Variants in SLC71A2 observed in about 807,000 individuals in gnomAD.
The protein encoded by SLC71A2 is hippocampus abundant transcript-like 1.
At chr9:94,436,458 C>T in the SLC71A2 span, among the ~76,000 whole-genome samples, 1 of 152,238 alleles carries the variant, frequency 6.6e-6, no homozygotes, top group African/African-American at 2.4e-5. Flanking sequence ...GTATGAACAA[C>T]TCCTTCCCTG....
chr9:94,405,613 A>C, the SLC71A2 span, among the ~76,000 whole-genome samples: 2 of 152,008 alleles, frequency 1.3e-5, no homozygotes, highest in African/African-American at 4.8e-5. Context: ...AAATACAGGC[A>C]CACACCACCA....
the SLC71A2 span, among the ~76,000 whole-genome samples, chr9:94,401,634 T>C: frequency 1.3e-5 from 2 of 152,092 alleles, no homozygotes; most frequent in African/African-American, 4.8e-5. Context: ...GGTCCTTGAT[T>C]TTGCGTCAAG....
At chr9:94,385,882 C>T in the SLC71A2 span, among the ~76,000 whole-genome samples, 2 of 151,924 alleles carry the variant, frequency 1.3e-5, no homozygotes, top group African/African-American at 2.4e-5. Context: ...TAAGGACCTC[C>T]TTTTTTTTCT....
chr9:94,403,303 A>T, the SLC71A2 span, among the ~76,000 whole-genome samples: 1 of 151,710 alleles, frequency 6.6e-6, no homozygotes, highest in African/African-American at 2.4e-5. Flanking sequence ...CGCCTGGCTA[A>T]TTTTTTTGTA....
chr9:94,383,888 G>A, the SLC71A2 span, among the ~76,000 whole-genome samples: 6 of 151,720 alleles, frequency 4.0e-5, no homozygotes, highest in Non-Finnish European at 8.8e-5. Flanking sequence ...ATTTCTTGAC[G>A]TTATTGTAAA....
the SLC71A2 span, among the ~76,000 whole-genome samples, chr9:94,424,581 T>C: frequency 6.6e-6 from 1 of 152,028 alleles, no homozygotes; most frequent in African/African-American, 2.4e-5. Flanking sequence ...TTCCTCAAGA[T>C]TGCCTTGGTC....
At chr9:94,458,339 A>T in the SLC71A2 span, 6 of 1,608,988 alleles carry the variant, frequency 3.7e-6, no homozygotes, top group African/African-American at 5.3e-5. Flanking sequence ...CCAGGGGATC[A>T]TAACTGGAAT....
At chr9:94,425,703 A>G in the SLC71A2 span, among the ~76,000 whole-genome samples, 1 of 151,972 alleles carries the variant, frequency 6.6e-6, no homozygotes, top group Admixed American at 6.6e-5. Flanking sequence ...TTCGTAAACC[A>G]TAATTTCTAA....
chr9:94,390,430 G>T, the SLC71A2 span, among the ~76,000 whole-genome samples: 1 of 150,290 alleles, frequency 6.7e-6, no homozygotes, highest in Non-Finnish European at 1.5e-5. Flanking sequence ...TTTTCTAGTC[G>T]GTAAAAGTAG....
the SLC71A2 span, among the ~76,000 whole-genome samples, chr9:94,400,921 T>C: frequency 1.4e-4 from 21 of 152,318 alleles, no homozygotes; most frequent in Admixed American, 1.3e-3. Flanking sequence ...ATCTATAGTT[T>C]TGCTTTTTCC....
chr9:94,416,237 G>A, the SLC71A2 span, among the ~76,000 whole-genome samples: 8 of 151,990 alleles, frequency 5.3e-5, no homozygotes, highest in South Asian at 8.3e-4. Flanking sequence ...TTGATGGGCC[G>A]GGTACAGTAG....
chr9:94,409,129 C>CTTTTT, the SLC71A2 span, among the ~76,000 whole-genome samples: 139 of 68,238 alleles, frequency 2.0e-3, 15 homozygotes, highest in African/African-American at 8.1e-3. Context: ...GCCCGGCCTC[C>CTTTTT]TTTTTTTTTT....
chr9:94,410,852 G>A, the SLC71A2 span, among the ~76,000 whole-genome samples: 2 of 152,092 alleles, frequency 1.3e-5, no homozygotes, highest in Non-Finnish European at 2.9e-5. Flanking sequence ...TGCAGCCTCC[G>A]CCTCCTGGGT....
the SLC71A2 span, among the ~76,000 whole-genome samples, chr9:94,395,408 A>T: frequency 4.1e-4 from 61 of 150,204 alleles, no homozygotes; most frequent in African/African-American, 1.5e-3. Flanking sequence ...AAATGCCTAT[A>T]CATGATGTAT....
the SLC71A2 span, among the ~76,000 whole-genome samples, chr9:94,388,262 A>G: frequency 6.6e-6 from 1 of 152,240 alleles, no homozygotes; most frequent in African/African-American, 2.4e-5. Context: ...AGCTTTAGGC[A>G]TCTTGAATAC....
At chr9:94,400,165 C>G in the SLC71A2 span, among the ~76,000 whole-genome samples, 1 of 151,956 alleles carries the variant, frequency 6.6e-6, no homozygotes, top group Non-Finnish European at 1.5e-5. Context: ...AATGGGAGAT[C>G]AGTTTCGAAT....
the SLC71A2 span, among the ~76,000 whole-genome samples, chr9:94,377,533 CTTT>C: frequency 1.4e-4 from 15 of 107,732 alleles, no homozygotes; most frequent in Admixed American, 1.8e-4. Flanking sequence ...CCATGCCTGG[CTTT>C]TTTTTTTTTT....
the SLC71A2 span, chr9:94,438,354 G>C: frequency 6.2e-7 from 1 of 1,613,798 alleles, no homozygotes; most frequent in South Asian, 1.1e-5. Flanking sequence ...ACAGGTAATT[G>C]AGGGATCAGA....
At chr9:94,460,858 C>G in the SLC71A2 span, 1 of 152,092 alleles carries the variant, frequency 6.6e-6, no homozygotes, top group Non-Finnish European at 1.5e-5. Context: ...TATCTTTTTA[C>G]TATGCTATTG....
Sources: gnomAD v4.1 joint callset for allele counts (sites outside exome capture counted in the v4.1 genomes callset) on GRCh38, gnomAD v4.1.1 for gene constraint, MANE v1.5 for transcripts, NCBI Gene and HGNC (gene_info 2026-07-23, HGNC 2026-07-21) for gene names.